Variants in RERE observed in about 807,000 individuals in gnomAD.
The protein encoded by RERE is arginine-glutamic acid dipeptide repeats.
RERE carries 40 observed loss-of-function variants against 146.1 expected under a neutral mutation model. That is an observed-to-expected ratio of 0.27 (90% CI 0.21 to 0.36). The LOEUF is 0.36. RERE is among the 10% of genes least tolerant of loss of function. The pLI is 1.00. For synonymous variants in RERE, 1,003 were observed against 866.0 expected (o/e 1.16, Z -2.78); for missense variants, 1,933 against 2,138.7 (o/e 0.90, Z 1.90).
At chr1:8,698,221 C>T (rs533822667) in intron 1 of RERE, among the ~76,000 whole-genome samples, 4 of 152,312 alleles carry the variant, frequency 2.6e-5, no homozygotes, top group African/African-American at 9.6e-5. Context: ...TGGTTATCTG[C>T]TTCTGTATGT....
chr1:8,478,907 A>T (rs762066181), intron 10 of RERE, among the ~76,000 whole-genome samples: 3 of 152,194 alleles, frequency 2.0e-5, no homozygotes, highest in Non-Finnish European at 4.4e-5. Context: ...AGGTCAGAAC[A>T]TATCAATTAA....
rs1190346703 is a variant in RERE, at chr1:8,817,233, G to C, written c.-218C>G. 6.6e-6 allele frequency: 1 copy of C among 152,552 alleles called. No individual in the cohort carries two copies. Among genetic ancestry groups the C allele is most frequent in the Admixed American group, 6.5e-5 (1 of 15,270 alleles). 9.4% of individuals were successfully genotyped at this position (152,552 alleles called of 1,614,324 possible). The stretch of plus-strand genomic sequence containing the variant: ...CTCCGGGGAAAGTGGCGGGGATGGG[G>C]CGGGAGGCCGCGCGGAGGCTGCGGG... On this transcript the variant is annotated 5_prime_UTR_variant, in exon 1 of 23. Transcript: ENST00000400908.
intron 1 of RERE, among the ~76,000 whole-genome samples, chr1:8,684,395 T>C (rs1456867077): frequency 1.3e-5 from 2 of 152,018 alleles, no homozygotes; most frequent in Non-Finnish European, 2.9e-5. Context: ...TAATTTATCA[T>C]TAAAAAAAAT....
chr1:8,605,745 C>CAAAAAAAAAAAAAAAAAAA (rs564574812), intron 4 of RERE, among the ~76,000 whole-genome samples: 2 of 64,536 alleles, frequency 3.1e-5, no homozygotes, highest in African/African-American at 1.2e-4. Context: ...ACCCCATCTC[C>CAAAAAAAAAAAAAAAAAAA]AAAAAAAAAA....
intron 7 of RERE, among the ~76,000 whole-genome samples, chr1:8,520,317 TGAA>T (rs955873822): frequency 3.9e-5 from 6 of 152,160 alleles, no homozygotes; most frequent in Non-Finnish European, 8.8e-5. Context: ...AGTTAATTAC[TGAA>T]GAAGACTCCA....
Position 8,763,186 on chromosome 1 carries a change from T to G in RERE, c.-145+53974A>C, listed in dbSNP as rs189973680. Among the ~76,000 whole-genome samples, 172 of 152,308 alleles carry G rather than the reference T, an allele frequency of 1.1e-3. 1 individual carries two copies. Among genetic ancestry groups the G allele is most frequent in the African/African-American group, 2.0e-3 (83 of 41,572 alleles). ...CCATAGGAACAAATCCAGATTCTATTTGTTTTTGTACAACTCTGCAAAAAA... is the reference window on the plus strand; with the variant it reads ...CCATAGGAACAAATCCAGATTCTATGTGTTTTTGTACAACTCTGCAAAAAA... On this transcript the variant is annotated intron_variant, in intron 1 of 22. Transcript: ENST00000400908.
At chr1:8,779,205 G>A (rs1219736541) in intron 1 of RERE, among the ~76,000 whole-genome samples, 1 of 151,810 alleles carries the variant, frequency 6.6e-6, no homozygotes, top group East Asian at 1.9e-4. Context: ...GGAAATAATT[G>A]TAAATATGAG....
intron 10 of RERE, among the ~76,000 whole-genome samples, chr1:8,491,006 A>C (rs1644972957): frequency 6.6e-6 from 1 of 150,772 alleles, no homozygotes; most frequent in South Asian, 2.1e-4. Flanking sequence ...ACACACTAGC[A>C]ATCTCTTTTG....
At chr1:8,797,567 A>T (rs1028147669) in intron 1 of RERE, among the ~76,000 whole-genome samples, 2 of 152,188 alleles carry the variant, frequency 1.3e-5, no homozygotes. Flanking sequence ...TAAAAAACCG[A>T]CTTACTAATT....
chr1:8,633,454 G>C (rs201626372), intron 2 of RERE, among the ~76,000 whole-genome samples: 6 of 150,476 alleles, frequency 4.0e-5, no homozygotes, highest in East Asian at 2.1e-4. Flanking sequence ...CACACACACA[G>C]ACACACACAC....
At chr1:8,482,538 C>T (rs1441108042) in intron 10 of RERE, among the ~76,000 whole-genome samples, 3 of 151,400 alleles carry the variant, frequency 2.0e-5, no homozygotes, top group African/African-American at 4.8e-5. Flanking sequence ...AAAAATTAGC[C>T]GGGCGTGGTG....
At chr1:8,527,614 T>C (rs1645585038) in intron 7 of RERE, among the ~76,000 whole-genome samples, 1 of 152,206 alleles carries the variant, frequency 6.6e-6, no homozygotes. Flanking sequence ...GATTCTAATT[T>C]TGGTCTCATT....
intron 6 of RERE, among the ~76,000 whole-genome samples, chr1:8,550,047 A>C (rs934322036): frequency 2.3e-4 from 35 of 152,242 alleles, no homozygotes; most frequent in Admixed American, 2.2e-3. Context: ...CTTTAGTCTA[A>C]TGCTATTGTA....
Position 8,355,641 on chromosome 1 carries a change from G to A in RERE, c.4487-42C>T, listed in dbSNP as rs1041556760. The A allele has an allele frequency of 2.6e-6, 4 of 1,520,244 alleles. No homozygotes were observed. In the African/African-American group the frequency reaches 5.5e-5, roughly 21 times the overall value. The allele number at this position is 1,520,244 out of a possible 1,614,324, so 94.2% of individuals were successfully genotyped here. A position where few individuals can be genotyped will look rare whatever the true frequency, so the allele number is the denominator to read the frequency against. ...AACCTGCGCTACAGAAATAGCCAGA[G>A]GACTGGCCAAGACCAGGGCGGCACA... On this transcript the variant is annotated intron_variant, in intron 21 of 22. Transcript: ENST00000400908.
At chr1:8,758,044 T>C (rs1451976792) in intron 1 of RERE, among the ~76,000 whole-genome samples, 2 of 152,046 alleles carry the variant, frequency 1.3e-5, no homozygotes, top group Non-Finnish European at 1.5e-5. Flanking sequence ...GAAAGACAGA[T>C]ACTGTATGAT....
chr1:8,498,878 G>T (rs1191869091), intron 8 of RERE, among the ~76,000 whole-genome samples: 2 of 151,912 alleles, frequency 1.3e-5, no homozygotes, highest in African/African-American at 2.4e-5. Flanking sequence ...TGACAGAAAT[G>T]TTCTGTGCCT....
At chr1:8,603,484 G>A (rs933352571) in intron 4 of RERE, among the ~76,000 whole-genome samples, 3 of 152,112 alleles carry the variant, frequency 2.0e-5, no homozygotes, top group Non-Finnish European at 4.4e-5. Flanking sequence ...CATCACAAGC[G>A]GCTACTTATT....
intron 7 of RERE, among the ~76,000 whole-genome samples, chr1:8,509,023 T>C (rs867464366): frequency 2.0e-5 from 3 of 152,206 alleles, no homozygotes; most frequent in African/African-American, 7.2e-5. Flanking sequence ...CAATTGATTC[T>C]CCTGCCTCAG....
chr1:8,435,138 A>ACCC (rs1370293784), intron 11 of RERE, among the ~76,000 whole-genome samples: 1 of 152,268 alleles, frequency 6.6e-6, no homozygotes, highest in African/African-American at 2.4e-5. Flanking sequence ...TTAAGCAAAC[A>ACCC]AATAAGCAAT....
Sources: allele counts gnomAD v4.1 joint callset (sites outside exome capture counted in the v4.1 genomes callset), GRCh38; gene constraint gnomAD v4.1.1; transcripts MANE v1.5; gene names NCBI Gene and HGNC (gene_info 2026-07-23, HGNC 2026-07-21).